Variants in TAP1 observed in about 807,000 individuals in gnomAD.
TAP1 encodes transporter 1, ATP binding cassette subfamily B member.
Under a neutral mutation model 79.3 loss-of-function variants are expected in TAP1, and 56 were observed. That is an observed-to-expected ratio of 0.71 (90% CI 0.57 to 0.88). TAP1 has a LOEUF of 0.88. Ranked by LOEUF, TAP1 falls within the 40% of genes least tolerant of loss-of-function variation. The pLI, the probability that TAP1 is intolerant of heterozygous loss-of-function variation, is 0.00. For synonymous variants in TAP1, 355 were observed against 401.4 expected, an observed-to-expected ratio of 0.88 and a Z score of 1.38; for missense variants, 737 against 936.3, an observed-to-expected ratio of 0.79 and a Z score of 2.78.
At position 32,851,107 on chromosome 6, in the gene TAP1, C is replaced by T. The variant is rs748095736; in HGVS notation, c.887G>A (p.Ser296Asn). ...GCTCAGATTCTCACTCAGAGAATCA[C>T]TCAGGGTGGACGTGTCCTCTGTTAC... ...SRVTEDTSTL[S>N]DSLSENLSLF... Residue 296 changes from serine to asparagine, a missense_variant, in exon 4 of 11, where the codon AGT becomes AAT. Around this residue, in one of 5 missense-constraint regions of TAP1, gnomAD observed 406 missense variants for 477.2 expected, o/e 0.85. Coordinates refer to ENST00000354258, the MANE Select transcript of TAP1 (RefSeq NM_000593.6). This position sits in a 1 kb window ranked among gnomAD's most constrained non-coding sequence, Gnocchi z 4.8. 27 of 1,612,932 alleles carry T rather than the reference C, an allele frequency of 1.7e-5. No individual in the cohort carries two copies. The highest frequency in any genetic ancestry group is 2.3e-5 in the Non-Finnish European group (27 of 1,180,040).
chr6:32,852,679 T>C lies in TAP1; in HGVS notation c.599-177A>G. ...TAGGCTGCCCTGGAACTCACTACCC[T>C]GTGGTTGCTCTACCAGAACTTTCAG... On this transcript the variant is annotated intron_variant, in intron 1 of 10. Coordinates refer to ENST00000354258, the MANE Select transcript of TAP1 (RefSeq NM_000593.6). This position sits in a 1 kb window ranked among gnomAD's most constrained non-coding sequence, Gnocchi z 4.8. 2 of 1,493,756 alleles carry C rather than the reference T, an allele frequency of 1.3e-6. No homozygotes were observed. Among genetic ancestry groups the C allele is most frequent in the South Asian group, 2.6e-5 (2 of 77,252 alleles). 92.5% of individuals were successfully genotyped at this position (1,493,756 alleles called of 1,614,324 possible). A position where few individuals can be genotyped will look rare whatever the true frequency, so the allele number is the denominator to read the frequency against.
At chr6:32,848,292 A>G in intron 7 of TAP1, 200 bp from the exon 8 acceptor site, 1 of 697,528 alleles carries the variant, frequency 1.4e-6, no homozygotes, top group Non-Finnish European at 2.4e-6. Context: ...AGACAAGGGC[A>G]GAGACCCAGC....
In TAP1 at chr6:32,849,133, C is replaced by G; in HGVS notation, c.1249-15G>C. On this transcript the variant is annotated splice_polypyrimidine_tract_variant and intron_variant, in intron 5 of 10. Coordinates refer to ENST00000354258, the MANE Select transcript of TAP1 (RefSeq NM_000593.6). Reference sequence around the variant, plus strand: ...ATACCTGAAATCTATAAAGAGACCACAAAAAAAGGGACTGAGGTAGAGAAA... The same window carrying G: ...ATACCTGAAATCTATAAAGAGACCAGAAAAAAAGGGACTGAGGTAGAGAAA... The G allele has an allele frequency of 6.4e-7, 1 of 1,568,490 alleles. No homozygotes were observed. The highest frequency in any genetic ancestry group is 1.3e-5 in the African/African-American group (1 of 74,102).
rs1262305611 is a variant in TAP1 at position 32,850,031 on chromosome 6, C to G, written c.1248+289G>C. ...CAAGAATTTATGGCGCCCTGCACTT[C>G]CCCTGAGAGGCAAAGGAAGGCCCTA... On this transcript the variant is annotated intron_variant, in intron 5 of 10. Coordinates refer to ENST00000354258, the MANE Select transcript of TAP1 (RefSeq NM_000593.6). This position sits in a 1 kb window ranked among gnomAD's most constrained non-coding sequence, Gnocchi z 5.5. The G allele has an allele frequency of 1.9e-6, 1 of 536,332 alleles. No homozygotes were observed. The highest frequency in any genetic ancestry group is 3.4e-6 in the Non-Finnish European group (1 of 297,572). 33.2% of individuals were successfully genotyped at this position (536,332 alleles called of 1,614,324 possible). A position where few individuals can be genotyped will look rare whatever the true frequency, so the allele number is the denominator to read the frequency against.
chr6:32,853,318 G>C lies in TAP1; in HGVS notation c.319C>G (p.Leu107Val), dbSNP rs929207102. Residue 107 changes from leucine to valine, a missense_variant, in exon 1 of 11, where the codon CTG becomes GTG. Transcript: ENST00000354258. This position sits in a 1 kb window ranked among gnomAD's most constrained non-coding sequence, Gnocchi z 8.3. Reference sequence around the variant, plus strand: ...TCTCGGAACAAGGCAAGTCCCGGCAGGGCCAAGCCCAGTGCCGCAGCTAAT... The same window carrying C: ...TCTCGGAACAAGGCAAGTCCCGGCACGGCCAAGCCCAGTGCCGCAGCTAAT... ...KPLAAALGLA[L>V]PGLALFRELI... The C allele has an allele frequency of 1.3e-6, 2 of 1,580,278 alleles. No individual in the cohort carries two copies. Among genetic ancestry groups the C allele is most frequent in the Non-Finnish European group, 1.7e-6 (2 of 1,162,670 alleles).
chr6:32,848,718 C>G lies in TAP1; in HGVS notation c.1500G>C (p.Glu500Asp). ...AGACATCTTGGAACTGGACAAGGCC[C>G]TCCAAGTGTAAGGGAGTCAACAGAC... Reference protein sequence around the residue: ...PSGLLTPLHLEGLVQFQDVSF... With the variant: ...PSGLLTPLHLDGLVQFQDVSF... The change falls in exon 7 of 11, where the codon GAG becomes GAC. Residue 500 changes from glutamate to aspartate, a missense_variant. Physicochemically the swap from Glu to Asp is conservative, Grantham distance 45. Around this residue, in one of 5 missense-constraint regions of TAP1, gnomAD observed 266 missense variants for 332.4 expected, o/e 0.80. Coordinates refer to ENST00000354258, the MANE Select transcript of TAP1 (RefSeq NM_000593.6). 6.2e-7 allele frequency: 1 copy of G among 1,614,074 alleles called. No individual in the cohort carries two copies. Among genetic ancestry groups the G allele is most frequent in the Non-Finnish European group, 8.5e-7 (1 of 1,180,022 alleles).
Position 32,845,831 on chromosome 6 carries a change from C to T in TAP1, c.2041-46G>A, listed in dbSNP as rs2127384356. ...GTCAGAGCCGGGGACTACCCTCAGC[C>T]CAGGGAGACACCTGTGTTTCCAGGG... On this transcript the variant is annotated intron_variant, in intron 10 of 10. Transcript: ENST00000354258. This position sits in a 1 kb window ranked among gnomAD's most constrained non-coding sequence, Gnocchi z 4.5. 2 of 1,535,888 alleles carry T rather than the reference C, an allele frequency of 1.3e-6. No homozygotes were observed. The highest frequency in any genetic ancestry group is 1.1e-5 in the South Asian group (1 of 88,624).
rs1196157210 is a variant in TAP1, at chr6:32,850,135, A to G, written c.1248+185T>C. 1.5e-6 allele frequency: 1 copy of G among 687,066 alleles called. No homozygotes were observed. The highest frequency in any genetic ancestry group is 2.1e-5 in the Admixed American group (1 of 46,726). 42.6% of individuals were successfully genotyped at this position (687,066 alleles called of 1,614,324 possible). A position where few individuals can be genotyped will look rare whatever the true frequency, so the allele number is the denominator to read the frequency against. On this transcript the variant is annotated intron_variant, in intron 5 of 10. Transcript: ENST00000354258. The surrounding 1 kb of genome is among the most constrained non-coding windows in gnomAD (Gnocchi z 5.5). ...CCATACTGAAAGGAAGCCACCTAGC[A>G]TCTTTAAAGAGAGGGAGGGGGCTAG... is the stretch of plus-strand genomic sequence containing the variant.
chr6:32,852,444 G>A lies in TAP1; in HGVS notation c.657C>T (p.Gly219=), dbSNP rs1770847755. ...GRLTDWILQD[G]SADTFTRNLT... is the part of the protein sequence containing the mutation. ...AGTTTCGAGTGAAGGTATCGGCTGA[G>A]CCATCTTGTAGAATCCAGTCAGTGA... The change falls in exon 2 of 11, where the codon GGC becomes GGT. Residue 219 remains glycine (G), a synonymous_variant. Coordinates refer to ENST00000354258, the MANE Select transcript of TAP1 (RefSeq NM_000593.6). This position sits in a 1 kb window ranked among gnomAD's most constrained non-coding sequence, Gnocchi z 4.8. 1 of 1,613,048 alleles carries A rather than the reference G, an allele frequency of 6.2e-7. No homozygotes were observed. Among genetic ancestry groups the A allele is most frequent in the Non-Finnish European group, 8.5e-7 (1 of 1,180,036 alleles).
In TAP1 at chr6:32,847,020, G is replaced by A; in HGVS notation, c.2040+48C>T. On this transcript the variant is annotated intron_variant, in intron 10 of 10. Transcript: ENST00000354258. This position sits in a 1 kb window ranked among gnomAD's most constrained non-coding sequence, Gnocchi z 4.7. ...TAAAACTAACAGAAGATGTATAAAA[G>A]AAGCAAGATTGGGTGGGATATAGCC... 5 of 1,607,166 alleles carry A rather than the reference G, an allele frequency of 3.1e-6. No homozygotes were observed. Among genetic ancestry groups the A allele is most frequent in the Non-Finnish European group, 2.5e-6 (3 of 1,179,816 alleles).
Position 32,852,784 on chromosome 6 carries a change from G to A in TAP1, c.598+255C>T. The A allele has an allele frequency of 6.9e-7, 1 of 1,441,006 alleles. No individual in the cohort carries two copies. Among genetic ancestry groups the A allele is most frequent in the Non-Finnish European group, 9.0e-7 (1 of 1,105,634 alleles). 89.3% of individuals were successfully genotyped at this position (1,441,006 alleles called of 1,614,324 possible). On this transcript the variant is annotated intron_variant, in intron 1 of 10. Coordinates refer to ENST00000354258, the MANE Select transcript of TAP1 (RefSeq NM_000593.6). The surrounding 1 kb of genome is among the most constrained non-coding windows in gnomAD (Gnocchi z 4.8). Reference sequence around the variant, plus strand: ...GAGGATGCCCCGCCCTTCGGCCCCAGAGCAAAGGATTTCCCCGCTTCCGGC... The same window carrying A: ...GAGGATGCCCCGCCCTTCGGCCCCAAAGCAAAGGATTTCCCCGCTTCCGGC...
At chr6:32,848,300 A>C in intron 7 of TAP1, 1 of 666,930 alleles carries the variant, frequency 1.5e-6, no homozygotes, top group East Asian at 2.7e-5. Context: ...GCAGAGACCC[A>C]GCACCACTAT....
rs1770713102 is a variant in TAP1, at chr6:32,850,452, C to T, written c.1116G>A (p.Ser372=). 3.7e-6 allele frequency: 6 copies of T among 1,614,044 alleles called. No homozygotes were observed. The highest frequency in any genetic ancestry group is 1.7e-5 in the Admixed American group (1 of 60,008). Residue 372 remains serine, a synonymous_variant, in exon 5 of 11, where the codon TCG becomes TCA. Transcript: ENST00000354258. This position sits in a 1 kb window ranked among gnomAD's most constrained non-coding sequence, Gnocchi z 5.5. ...KSSQVAIEAL[S]AMPTVRSFAN... is the part of the protein sequence containing the mutation. ...CAAAGCTTCGAACTGTAGGCATGGC[C>T]GACAGAGCCTCAATGGCCACCTGGC...
At chr6:32,846,044 G>A in intron 10 of TAP1, 1 of 574,368 alleles carries the variant, frequency 1.7e-6, no homozygotes, top group Non-Finnish European at 3.1e-6. Context: ...AAAGACTATT[G>A]AATAGTCCTC....
Position 32,853,556 on chromosome 6 carries a change from C to T in TAP1, c.81G>A (p.Leu27=). ...GCAGCACCCAGTCGGCGAGAAGTAG[C>T]AGTACTGTCCCCAGCCATGCGAGAG... The part of the protein sequence containing the change: ...GASLAWLGTV[L]LLLADWVLLR... The change falls in exon 1 of 11, where the codon CTG becomes CTA. Residue 27 remains leucine (L), a synonymous_variant. Transcript: ENST00000354258. The surrounding 1 kb of genome is among the most constrained non-coding windows in gnomAD (Gnocchi z 8.3). The T allele has an allele frequency of 6.2e-7, 1 of 1,611,770 alleles. No homozygotes were observed. Among genetic ancestry groups the T allele is most frequent in the Non-Finnish European group, 8.5e-7 (1 of 1,179,098 alleles).
chr6:32,848,832 G>T lies in TAP1; in HGVS notation c.1386C>A (p.Leu462=). Residue 462 remains leucine (L), a synonymous_variant, in exon 7 of 11, where the codon CTC becomes CTA. Transcript: ENST00000354258. ...CCTTCTGTACTCTGGGGTAGATGGA[G>T]AGCAGTACCTAGAGGGAGGTAAGAA... The part of the protein sequence containing the change: ...MQFTQAVEVL[L]SIYPRVQKAV... 1 of 1,613,960 alleles carries T rather than the reference G, an allele frequency of 6.2e-7. No individual in the cohort carries two copies. Among genetic ancestry groups the T allele is most frequent in the Non-Finnish European group, 8.5e-7 (1 of 1,180,026 alleles).
chr6:32,852,392 C>T lies in TAP1; in HGVS notation c.709G>A (p.Ala237Thr), dbSNP rs1411051990. 6.8e-6 allele frequency: 11 copies of T among 1,612,972 alleles called. No homozygotes were observed. The highest frequency in any genetic ancestry group is 9.3e-6 in the Non-Finnish European group (11 of 1,180,048). ...NLTLMSILTI[A>T]SAVLEFVGDG... ...CCCCATTTTCAGCCCCCAGACCTGG[C>T]TATGGTGAGAATGGACATGAGAGTT... Residue 237 changes from alanine to threonine, a missense_variant, in exon 2 of 11, where the codon GCC becomes ACC. Around this residue, in one of 5 missense-constraint regions of TAP1, gnomAD observed 406 missense variants for 477.2 expected, o/e 0.85. Transcript: ENST00000354258. This position sits in a 1 kb window ranked among gnomAD's most constrained non-coding sequence, Gnocchi z 4.8.
chr6:32,853,350 A>G lies in TAP1; in HGVS notation c.287T>C (p.Leu96Ser), dbSNP rs777912932. 1.3e-6 allele frequency: 2 copies of G among 1,586,862 alleles called. No individual in the cohort carries two copies. Among genetic ancestry groups the G allele is most frequent in the Non-Finnish European group, 1.7e-6 (2 of 1,166,506 alleles). ...NAGAQGWLAA[L>S]KPLAAALGLA... The stretch of plus-strand genomic sequence containing the variant: ...GCCCAGTGCCGCAGCTAATGGCTTC[A>G]AAGCAGCCAGCCAGCCCTGGGCACC... The change falls in exon 1 of 11, where the codon TTG (leucine) becomes TCG (serine). Residue 96 changes from leucine (L) to serine (S), a missense_variant. This residue lies in a region of TAP1 where 406 missense variants were observed against 477.2 expected (regional missense o/e 0.85). Coordinates refer to ENST00000354258, the MANE Select transcript of TAP1 (RefSeq NM_000593.6). The surrounding 1 kb of genome is among the most constrained non-coding windows in gnomAD (Gnocchi z 8.3).
rs113165054 is a variant in TAP1, at chr6:32,850,802, C to G, written c.1050+142G>C. 2,088 of 867,142 alleles carry G rather than the reference C, an allele frequency of 2.4e-3. 3 individuals carry two copies. Among genetic ancestry groups the G allele is most frequent in the Non-Finnish European group, 2.5e-3 (1,278 of 517,876 alleles). 53.7% of individuals were successfully genotyped at this position (867,142 alleles called of 1,614,324 possible). On this transcript the variant is annotated intron_variant, in intron 4 of 10. Transcript: ENST00000354258. The surrounding 1 kb of genome is among the most constrained non-coding windows in gnomAD (Gnocchi z 5.5). The stretch of plus-strand genomic sequence containing the variant: ...TGTTGAGCAACCTGGGAACATGGAC[C>G]ACAGGGACAGGGTGTTCCATGAAGA...
Sources: gnomAD v4.1 joint callset for allele counts on GRCh38, gnomAD v4.1.1 for gene constraint, gnomAD v4.1.1 regional missense constraint, Gnocchi (gnomAD v3.1) non-coding constraint, MANE v1.5 for transcripts, NCBI Gene and HGNC (gene_info 2026-07-23, HGNC 2026-07-21) for gene names.